RGS20: variants seen among roughly 807,000 people sequenced by gnomAD.
The protein encoded by RGS20 is regulator of G protein signaling 20.
RGS20 carries 30 observed loss-of-function variants against 33.6 expected under a neutral mutation model. The observed-to-expected ratio is 0.89, with a 90% CI of 0.67 to 1.21. The LOEUF (loss-of-function observed/expected upper bound fraction) is 1.21. Ranked by LOEUF, RGS20 falls within the 50% of genes most tolerant of loss-of-function variation. The pLI is 0.00. For missense variants in RGS20, 472 were observed against 502.4 expected (o/e 0.94, Z 0.58); for synonymous variants, 208 against 197.9 (o/e 1.05, Z -0.43).
At chr8:53,870,598 T>G (rs1022547493) in intron 1 of RGS20, among the ~76,000 whole-genome samples, 1 of 152,148 alleles carries the variant, frequency 6.6e-6, no homozygotes, top group Admixed American at 6.5e-5. Context: ...AATTTCCCCT[T>G]CCTTTGTTGA....
At position 53,903,816 on chromosome 8, in the gene RGS20, G is replaced by A. The variant is rs796184856; in HGVS notation, c.510+24214G>A. Among the ~76,000 whole-genome samples, 7 of 152,292 alleles carry A rather than the reference G, an allele frequency of 4.6e-5. 1 individual carries two copies. The highest frequency in any genetic ancestry group is 1.7e-4 in the African/African-American group (7 of 41,564). ...CCATAGAGGGAAGAAGGGTATTTGC[G>A]GTCTTCTTACAGCTCCTACCAGAAT... On this transcript the variant is annotated intron_variant, in intron 2 of 5. Transcript: ENST00000297313.
In RGS20 at chr8:53,956,730, T is replaced by A. The variant is rs145014778; in HGVS notation, c.979-1540T>A. Among the ~76,000 whole-genome samples, 25 of 152,368 alleles carry A rather than the reference T, an allele frequency of 1.6e-4. No homozygotes were observed. The East Asian group carries it at 4.8e-3, about 29-fold the overall frequency. ...TTGAATACTGAGTCCAAAAAGTTAT[T>A]TTCATTTTGAATTAATAAGGAGCAA... On this transcript the variant is annotated intron_variant, in intron 5 of 5. Coordinates refer to ENST00000297313, the MANE Select transcript of RGS20 (RefSeq NM_170587.4).
chr8:53,923,516 G>C lies in RGS20; in HGVS notation c.511-16060G>C, dbSNP rs538072396. Among the ~76,000 whole-genome samples, 200 of 151,988 alleles carry C rather than the reference G, an allele frequency of 1.3e-3. 1 individual carries two copies. Among genetic ancestry groups the C allele is most frequent in the African/African-American group, 4.8e-3 (198 of 41,440 alleles). On this transcript the variant is annotated intron_variant, in intron 2 of 5. Coordinates refer to ENST00000297313, the MANE Select transcript of RGS20 (RefSeq NM_170587.4). ...GAGCTGAGGCAGGAGGATCACTTGA[G>C]CCCGGGAGGCAAAGGTTGCAGTGAG...
chr8:53,861,848 T>A (rs1321478727), intron 1 of RGS20, among the ~76,000 whole-genome samples: 1 of 152,256 alleles, frequency 6.6e-6, no homozygotes, highest in African/African-American at 2.4e-5. Flanking sequence ...CTGCACCTGA[T>A]TATTTTTACC....
chr8:53,866,179 C>A (rs1188809333), intron 1 of RGS20, among the ~76,000 whole-genome samples: 2 of 152,050 alleles, frequency 1.3e-5, no homozygotes, highest in African/African-American at 4.8e-5. Flanking sequence ...TGAGAATGAA[C>A]AAGGAAATTT....
At chr8:53,856,613 C>G (rs2129266527) in intron 1 of RGS20, among the ~76,000 whole-genome samples, 1 of 152,292 alleles carries the variant, frequency 6.6e-6, no homozygotes, top group East Asian at 1.9e-4. Flanking sequence ...AGCAGTTTTT[C>G]TAGACAATCG....
chr8:53,918,351 G>T (rs1813548689), intron 2 of RGS20, among the ~76,000 whole-genome samples: 1 of 151,752 alleles, frequency 6.6e-6, no homozygotes, highest in Non-Finnish European at 1.5e-5. Flanking sequence ...TTTTGTGTCT[G>T]CCTTCGTTCA....
intron 2 of RGS20, among the ~76,000 whole-genome samples, chr8:53,901,264 C>T (rs1274102424): frequency 6.6e-6 from 1 of 152,080 alleles, no homozygotes; most frequent in African/African-American, 2.4e-5. Context: ...GATGGGGTTT[C>T]ACCATGTTGG....
At chr8:53,914,999 G>C (rs1813446130) in intron 2 of RGS20, among the ~76,000 whole-genome samples, 1 of 152,094 alleles carries the variant, frequency 6.6e-6, no homozygotes, top group South Asian at 2.1e-4. Flanking sequence ...ACAAAAATTA[G>C]CTGGGTGTGG....
chr8:53,915,626 A>G (rs142906615), intron 2 of RGS20, among the ~76,000 whole-genome samples: 14 of 152,218 alleles, frequency 9.2e-5, no homozygotes, highest in Non-Finnish European at 2.1e-4. Flanking sequence ...GGCTGTTCCA[A>G]CCAGGCCCTC....
At chr8:53,952,484 G>A (rs540515671) in intron 4 of RGS20, among the ~76,000 whole-genome samples, 7 of 150,840 alleles carry the variant, frequency 4.6e-5, no homozygotes, top group South Asian at 2.1e-4. Flanking sequence ...CCAGCACTTC[G>A]GGAGGCCAAG....
chr8:53,899,553 C>G (rs981879205), intron 2 of RGS20, among the ~76,000 whole-genome samples: 4 of 152,220 alleles, frequency 2.6e-5, no homozygotes, highest in African/African-American at 7.2e-5. Flanking sequence ...CCCAGCACCC[C>G]TTAGCCGTCA....
intron 1 of RGS20, among the ~76,000 whole-genome samples, chr8:53,858,256 C>T (rs1029389539): frequency 6.6e-6 from 1 of 152,098 alleles, no homozygotes; most frequent in African/African-American, 2.4e-5. Flanking sequence ...TGGGATTACA[C>T]TGGCAGCCTT....
intron 2 of RGS20, among the ~76,000 whole-genome samples, chr8:53,922,876 G>A (rs1254176258): frequency 6.6e-6 from 1 of 152,062 alleles, no homozygotes; most frequent in Non-Finnish European, 1.5e-5. Flanking sequence ...GTCCAGGCTG[G>A]TCTTGAACTC....
intron 1 of RGS20, among the ~76,000 whole-genome samples, chr8:53,853,726 A>T (rs1408300216): frequency 6.6e-6 from 1 of 152,248 alleles, no homozygotes; most frequent in African/African-American, 2.4e-5. Flanking sequence ...AAAGAGCAAG[A>T]TATGCTCCCT....
chr8:53,939,665 G>A lies in RGS20; in HGVS notation c.600G>A (p.Ala200=), dbSNP rs144093585. The A allele has an allele frequency of 1.7e-5, 27 of 1,581,606 alleles. No homozygotes were observed. The highest frequency in any genetic ancestry group is 2.1e-5 in the Non-Finnish European group (24 of 1,164,186). ...GCGCCGCCCCAGGCCAGCCCGGAGCGGGGAGTCGCGGGTCCAACGCATGCT... is the reference window on the plus strand; with the variant it reads ...GCGCCGCCCCAGGCCAGCCCGGAGCAGGGAGTCGCGGGTCCAACGCATGCT... The change falls in exon 3 of 6, where the codon GCG becomes GCA. Residue 200 remains alanine (A), a synonymous_variant. Transcript: ENST00000297313.
chr8:53,946,408 A>C, intron 3 of RGS20: 1 of 394,484 alleles, frequency 2.5e-6, no homozygotes, highest in Non-Finnish European at 4.7e-6. Context: ...AAAAATCATT[A>C]TTCTAAGTAT....
intron 2 of RGS20, among the ~76,000 whole-genome samples, chr8:53,918,555 T>C (rs1813555367): frequency 6.6e-6 from 1 of 151,934 alleles, no homozygotes; most frequent in Admixed American, 6.6e-5. Flanking sequence ...ACCCAGCTAA[T>C]TTTTTGTATT....
chr8:53,946,179 A>C (rs1161927028), intron 3 of RGS20, among the ~76,000 whole-genome samples: 1 of 152,144 alleles, frequency 6.6e-6, no homozygotes. Context: ...AATGAAATGA[A>C]ACCCCAATAC....
Sources: gnomAD v4.1 joint callset for allele counts (sites outside exome capture counted in the v4.1 genomes callset) on GRCh38, gnomAD v4.1.1 for gene constraint, MANE v1.5 for transcripts, NCBI Gene and HGNC (gene_info 2026-07-23, HGNC 2026-07-21) for gene names.